ITGA9: variants seen among roughly 807,000 people sequenced by gnomAD.
ITGA9 encodes the protein integrin alpha-9.
In ITGA9, 56 loss-of-function variants were observed where a neutral mutation model predicts 127.8. The observed-to-expected ratio is 0.44, with a 90% CI of 0.35 to 0.55. The LOEUF (loss-of-function observed/expected upper bound fraction) is 0.55, where lower values mean the gene tolerates loss of function less well. Ranked by LOEUF, ITGA9 falls within the 20% of genes least tolerant of loss-of-function variation. The pLI, the probability that ITGA9 is intolerant of heterozygous loss-of-function variation, is 0.00. For synonymous variants in ITGA9, 508 were observed against 514.5 expected, an observed-to-expected ratio of 0.99 and a Z score of 0.17; for missense variants, 1,196 against 1,347.1, an observed-to-expected ratio of 0.89 and a Z score of 1.76.
intron 18 of ITGA9, among the ~76,000 whole-genome samples, chr3:37,725,749 G>T (rs900889517): frequency 6.6e-6 from 1 of 152,206 alleles, no homozygotes; most frequent in African/African-American, 2.4e-5. Context: ...CATCCTACAC[G>T]CATCAGCAGT....
At chr3:37,514,195 T>C (rs1050941552) in intron 9 of ITGA9, among the ~76,000 whole-genome samples, 5 of 152,182 alleles carry the variant, frequency 3.3e-5, no homozygotes, top group Non-Finnish European at 5.9e-5. Context: ...CTATGCAATA[T>C]ACACATGGTA....
At chr3:37,721,142 G>GA (rs1271893793) in intron 18 of ITGA9, among the ~76,000 whole-genome samples, 1 of 83,408 alleles carries the variant, frequency 1.2e-5, no homozygotes, top group East Asian at 3.5e-4. Context: ...TTTTTTTTAA[G>GA]AAAAAATCTC....
In ITGA9 at chr3:37,635,663, G is replaced by A. The variant is rs1389221827; in HGVS notation, c.1839+6327G>A. 4.0e-5 allele frequency among the ~76,000 whole-genome samples: 6 copies of A among 150,200 alleles called. No individual in the cohort carries two copies. The Admixed American group carries it at 4.0e-4, about 10-fold the overall frequency. ...TTATTATTATACTTTAAGTTTTAGG[G>A]TACATGTGCACAACGTGCAGGTTTG... On this transcript the variant is annotated intron_variant, in intron 16 of 27. Coordinates refer to ENST00000264741, the MANE Select transcript of ITGA9 (RefSeq NM_002207.3).
chr3:37,460,699 C>A (rs980839396), intron 1 of ITGA9, among the ~76,000 whole-genome samples: 15 of 151,512 alleles, frequency 9.9e-5, no homozygotes, highest in Non-Finnish European at 1.5e-5. Flanking sequence ...ACGCCATTCT[C>A]CTGCCTCAGC....
At chr3:37,517,421 A>G (rs763678662) in intron 9 of ITGA9, 83 bp from the exon 10 acceptor site, 12 of 1,105,044 alleles carry the variant, frequency 1.1e-5, no homozygotes, top group Non-Finnish European at 1.5e-5. Context: ...CAGCATTCAA[A>G]CTCTGGTTTT....
intron 1 of ITGA9, among the ~76,000 whole-genome samples, chr3:37,462,143 C>T (rs1698322127): frequency 6.6e-6 from 1 of 152,172 alleles, no homozygotes; most frequent in Non-Finnish European, 1.5e-5. Flanking sequence ...GTCCTTTTGC[C>T]TTGCCTCCTT....
intron 4 of ITGA9, among the ~76,000 whole-genome samples, chr3:37,485,987 A>C (rs761156510): frequency 6.6e-6 from 1 of 152,254 alleles, no homozygotes; most frequent in African/African-American, 2.4e-5. Context: ...AACTACTTGT[A>C]AATTAAAGGG....
chr3:37,551,200 C>G (rs1442867517), intron 15 of ITGA9, among the ~76,000 whole-genome samples: 1 of 152,104 alleles, frequency 6.6e-6, no homozygotes, highest in Non-Finnish European at 1.5e-5. Flanking sequence ...CCATTTAAAA[C>G]AATGGAAAAG....
chr3:37,687,436 G>A (rs1048898090), intron 18 of ITGA9, among the ~76,000 whole-genome samples: 2 of 152,142 alleles, frequency 1.3e-5, no homozygotes, highest in East Asian at 3.9e-4. Flanking sequence ...AAACAGCAAA[G>A]AGAAAATGGT....
At chr3:37,620,282 C>T (rs1456261051) in intron 15 of ITGA9, among the ~76,000 whole-genome samples, 1 of 152,174 alleles carries the variant, frequency 6.6e-6, no homozygotes, top group African/African-American at 2.4e-5. Context: ...AAGTTGTGGG[C>T]ATAAGCAATG....
intron 18 of ITGA9, among the ~76,000 whole-genome samples, chr3:37,696,617 G>A (rs1700887688): frequency 6.6e-6 from 1 of 152,088 alleles, no homozygotes; most frequent in African/African-American, 2.4e-5. Flanking sequence ...ATCACTCCCT[G>A]TGCTGTCTCT....
At chr3:37,620,475 T>C (rs923789344) in intron 15 of ITGA9, among the ~76,000 whole-genome samples, 25 of 152,286 alleles carry the variant, frequency 1.6e-4, no homozygotes, top group African/African-American at 5.1e-4. Flanking sequence ...TCCAAGGTGC[T>C]TGACATCCAT....
intron 15 of ITGA9, among the ~76,000 whole-genome samples, chr3:37,580,314 A>G (rs987002179): frequency 3.9e-5 from 6 of 152,232 alleles, no homozygotes; most frequent in African/African-American, 1.4e-4. Flanking sequence ...TTCCACCACA[A>G]GAAAAATCAG....
At chr3:37,553,921 T>C (rs547016334) in intron 15 of ITGA9, among the ~76,000 whole-genome samples, 1 of 152,318 alleles carries the variant, frequency 6.6e-6, no homozygotes, top group South Asian at 2.1e-4. Context: ...TCAAGATAAT[T>C]TCTCTCTCTT....
chr3:37,543,611 A>C (rs1238992095), intron 15 of ITGA9, among the ~76,000 whole-genome samples: 1 of 152,254 alleles, frequency 6.6e-6, no homozygotes, highest in African/African-American at 2.4e-5. Context: ...TGGAAATTTC[A>C]TATAGCTCAA....
chr3:37,680,297 C>A (rs140380066), intron 17 of ITGA9, among the ~76,000 whole-genome samples: 190 of 152,222 alleles, frequency 1.2e-3, no homozygotes, highest in African/African-American at 4.1e-3. Flanking sequence ...ACTTTGGAAG[C>A]AGAGATGTGC....
intron 18 of ITGA9, among the ~76,000 whole-genome samples, chr3:37,692,104 C>G (rs1230377706): frequency 6.6e-6 from 1 of 152,144 alleles, no homozygotes; most frequent in Non-Finnish European, 1.5e-5. Flanking sequence ...GTTTCTTTCT[C>G]TATAAAGTGG....
In ITGA9 at chr3:37,465,213, G is replaced by A. The variant is rs553797018; in HGVS notation, c.186-5794G>A. Among the ~76,000 whole-genome samples the A allele has an allele frequency of 1.9e-4, 29 of 152,228 alleles. No individual in the cohort carries two copies. In the South Asian group the frequency reaches 5.8e-3, roughly 30 times the overall value. On this transcript the variant is annotated intron_variant, in intron 1 of 27. Transcript: ENST00000264741. ...CAGTCCTGCCCAGGGAGGCAGCTGC[G>A]GCTCAGTCCTTCTCTGTCACCCGCT...
chr3:37,465,400 AG>A (rs1173343684), intron 1 of ITGA9, among the ~76,000 whole-genome samples: 3 of 152,158 alleles, frequency 2.0e-5, no homozygotes, highest in South Asian at 2.1e-4. Context: ...CCACACCAGG[AG>A]GGGGTTTGGA....
Sources: gnomAD v4.1 joint callset for allele counts (sites outside exome capture counted in the v4.1 genomes callset) on GRCh38, gnomAD v4.1.1 for gene constraint, MANE v1.5 for transcripts, NCBI Gene and HGNC (gene_info 2026-07-23, HGNC 2026-07-21) for gene names.